The following IL1RL1 variants were observed in gnomAD, a reference collection of about 807,000 sequenced individuals.
IL1RL1 encodes interleukin-1 receptor-like 1.
Under a neutral mutation model 50.9 loss-of-function variants are expected in IL1RL1, and 32 were observed. The ratio of observed to expected loss-of-function variants is 0.63; its 90% CI spans 0.47 to 0.84. The LOEUF (loss-of-function observed/expected upper bound fraction) is 0.84, where lower values mean the gene tolerates loss of function less well. Ranked by LOEUF, IL1RL1 falls within the 40% of genes least tolerant of loss-of-function variation. IL1RL1 has a pLI of 0.00. For missense variants in IL1RL1, 773 were observed against 662.9 expected, an observed-to-expected ratio of 1.17 and a Z score of -1.82; for synonymous variants, 275 against 236.0, an observed-to-expected ratio of 1.17 and a Z score of -1.51.
At chr2:102,341,333 C>T in intron 5 of IL1RL1, 4 of 1,235,776 alleles carry the variant, frequency 3.2e-6, no homozygotes, top group African/African-American at 1.6e-5. Context: ...GTTTGCAATA[C>T]TTTCAACATC....
intron 9 of IL1RL1, 67 bp from the exon 10 acceptor site, chr2:102,349,012 C>A: frequency 8.0e-7 from 1 of 1,242,898 alleles, no homozygotes; most frequent in Non-Finnish European, 1.2e-6. Context: ...AGAGGAATGT[C>A]TTCAAAGAGT....
intron 8 of IL1RL1, chr2:102,343,643 C>G (rs1267543139): frequency 7.0e-7 from 1 of 1,423,700 alleles, no homozygotes; most frequent in Admixed American, 2.9e-5. Flanking sequence ...TCCCTCCTAT[C>G]GTTGGTTTGT....
At chr2:102,322,779 T>C (rs1404072335) in intron 1 of IL1RL1, among the ~76,000 whole-genome samples, 1 of 152,222 alleles carries the variant, frequency 6.6e-6, no homozygotes, top group African/African-American at 2.4e-5. Flanking sequence ...GCATTTCTTC[T>C]TCCCAGAGAG....
intron 1 of IL1RL1, among the ~76,000 whole-genome samples, chr2:102,321,194 C>G (rs1357630479): frequency 6.6e-6 from 1 of 152,226 alleles, no homozygotes; most frequent in Non-Finnish European, 1.5e-5. Flanking sequence ...TGCTCTCCTC[C>G]TGCTGTATTT....
At chr2:102,348,131 T>C (rs1156525849) in intron 9 of IL1RL1, 40 bp downstream of exon 9, 1 of 1,548,574 alleles carries the variant, frequency 6.5e-7, no homozygotes, top group Non-Finnish European at 8.9e-7. Flanking sequence ...AAAGAAAAAG[T>C]CCCATAATAA....
At chr2:102,345,675 A>G (rs1677758672) in intron 8 of IL1RL1, 28 of 985,082 alleles carry the variant, frequency 2.8e-5, no homozygotes, top group Non-Finnish European at 3.4e-5. Context: ...TTTGACTTTA[A>G]CCCCTGATTT....
Position 102,347,550 on chromosome 2 carries a change from G to A in IL1RL1, c.971-395G>A, listed in dbSNP as rs541929904. Among the ~76,000 whole-genome samples the A allele has an allele frequency of 9.9e-5, 15 of 152,252 alleles. No homozygotes were observed. The South Asian group carries it at 2.5e-3, about 25-fold the overall frequency. ...CTTATGGTATTCTCTCTGCCCAGGT[G>A]GGCATTTCCTTTTTTGCATCTCCCT... On this transcript the variant is annotated intron_variant, in intron 8 of 10. Transcript: ENST00000233954.
intron 8 of IL1RL1, chr2:102,345,573 G>A: frequency 1.0e-6 from 1 of 985,504 alleles, no homozygotes; most frequent in Non-Finnish European, 1.2e-6. Context: ...GGAGGAGAAA[G>A]GATAGGGGTG....
intron 1 of IL1RL1, among the ~76,000 whole-genome samples, chr2:102,314,117 A>T (rs1676601853): frequency 6.6e-6 from 1 of 151,172 alleles, no homozygotes; most frequent in Non-Finnish European, 1.5e-5. Flanking sequence ...TCTGGGATGT[A>T]TTTGTCCTTA....
rs770281843 is a variant in IL1RL1 at position 102,348,092 on chromosome 2, G to A, written c.1117+1G>A. ...GCTAAACCTTACAAGACTAGGAATG[G>A]TAAGTGGCAAATACCAAGTTTTTCT... On this transcript the variant is annotated splice_donor_variant, in intron 9 of 10. Coordinates refer to ENST00000233954, the MANE Select transcript of IL1RL1 (RefSeq NM_016232.5). LOFTEE classifies it high-confidence loss of function. 2 of 1,606,894 alleles carry A rather than the reference G, an allele frequency of 1.2e-6. No homozygotes were observed. The highest frequency in any genetic ancestry group is 1.7e-4 in the Middle Eastern group (1 of 6,018).
chr2:102,338,622 G>A (rs13408661), intron 2 of IL1RL1, among the ~76,000 whole-genome samples: 26,578 of 152,090 alleles, frequency 0.17, 2,652 homozygotes, highest in African/African-American at 0.26. Context: ...AGATAGATAA[G>A]GCTGCTTTTC....
chr2:102,330,817 A>G (rs1677158394), intron 1 of IL1RL1, among the ~76,000 whole-genome samples: 1 of 152,188 alleles, frequency 6.6e-6, no homozygotes, highest in South Asian at 2.1e-4. Context: ...AGTCCCAGCT[A>G]TGATTTATTT....
chr2:102,320,279 G>A (rs1323835758), intron 1 of IL1RL1, among the ~76,000 whole-genome samples: 2 of 152,170 alleles, frequency 1.3e-5, no homozygotes, highest in African/African-American at 2.4e-5. Flanking sequence ...CATGCCAGAT[G>A]CTCACCACCT....
At chr2:102,350,349 C>A (rs1375565339) in intron 10 of IL1RL1, among the ~76,000 whole-genome samples, 1 of 152,254 alleles carries the variant, frequency 6.6e-6, no homozygotes, top group Admixed American at 6.5e-5. Context: ...AGTTACACTT[C>A]TCCTCAGCCA....
chr2:102,312,034 AT>A (rs1338268918), intron 1 of IL1RL1, among the ~76,000 whole-genome samples: 5,240 of 63,960 alleles, frequency 0.082, 645 homozygotes, highest in Non-Finnish European at 0.11. Flanking sequence ...TATATTATAT[AT>A]TAAATATTAT....
intron 8 of IL1RL1, chr2:102,343,711 C>G: frequency 2.3e-6 from 3 of 1,309,996 alleles, no homozygotes; most frequent in Non-Finnish European, 2.9e-6. Flanking sequence ...TGAACTCCCT[C>G]TGTGTCACTG....
intron 5 of IL1RL1, among the ~76,000 whole-genome samples, chr2:102,341,658 G>A (rs975328813): frequency 6.6e-6 from 1 of 152,112 alleles, no homozygotes; most frequent in Non-Finnish European, 1.5e-5. Flanking sequence ...CCCTTACAGT[G>A]GTCCTTAATC....
chr2:102,317,760 A>G (rs904623225), intron 1 of IL1RL1, among the ~76,000 whole-genome samples: 7 of 152,148 alleles, frequency 4.6e-5, no homozygotes, highest in South Asian at 2.1e-4. Context: ...TATAAATGCC[A>G]TGGAGGAAAA....
At chr2:102,325,801 A>C (rs1676981367) in intron 1 of IL1RL1, among the ~76,000 whole-genome samples, 1 of 152,238 alleles carries the variant, frequency 6.6e-6, no homozygotes, top group Non-Finnish European at 1.5e-5. Flanking sequence ...AAGTTTAGAG[A>C]AAGTAGAATA....
Sources: allele counts gnomAD v4.1 joint callset (sites outside exome capture counted in the v4.1 genomes callset), GRCh38; gene constraint gnomAD v4.1.1; transcripts MANE v1.5; gene names NCBI Gene and HGNC (gene_info 2026-07-23, HGNC 2026-07-21).